Variants in HCRTR2 observed in about 807,000 individuals in gnomAD.
The protein encoded by HCRTR2 is hypocretin receptor 2.
HCRTR2 carries 22 observed loss-of-function variants against 49.0 expected under a neutral mutation model. The observed-to-expected ratio is 0.45, with a 90% CI of 0.32 to 0.64. HCRTR2 has a LOEUF of 0.64. Ranked by LOEUF, HCRTR2 falls within the 30% of genes least tolerant of loss-of-function variation. HCRTR2 has a pLI of 0.04. For missense variants in HCRTR2, 491 were observed against 559.4 expected (o/e 0.88, Z 1.23); for synonymous variants, 236 against 205.3 (o/e 1.15, Z -1.28).
rs190948915 is a variant in HCRTR2, at chr6:55,200,431, A to C, written c.223+25621A>C. 3.3e-5 allele frequency among the ~76,000 whole-genome samples: 5 copies of C among 151,900 alleles called. No individual in the cohort carries two copies. In the East Asian group the frequency reaches 9.7e-4, roughly 30 times the overall value. Reference sequence around the variant, plus strand: ...AGGCGCACACCACCACACCCAGCTAATTTTTTGTATTTTTAGTAGAGATGG... The same window carrying C: ...AGGCGCACACCACCACACCCAGCTACTTTTTTGTATTTTTAGTAGAGATGG... On this transcript the variant is annotated intron_variant, in intron 1 of 6. Coordinates refer to ENST00000370862, the MANE Select transcript of HCRTR2 (RefSeq NM_001384272.1).
intron 1 of HCRTR2, among the ~76,000 whole-genome samples, chr6:55,189,081 G>C (rs963546229): frequency 6.6e-6 from 1 of 152,078 alleles, no homozygotes; most frequent in Middle Eastern, 3.2e-3. Flanking sequence ...GAGTAATAAG[G>C]TCTTAATCTC....
chr6:55,196,406 T>TC (rs1038148418), intron 1 of HCRTR2, among the ~76,000 whole-genome samples: 2 of 152,158 alleles, frequency 1.3e-5, no homozygotes, highest in African/African-American at 4.8e-5. Context: ...AATGAACTTT[T>TC]CCCCACCTAA....
intron 1 of HCRTR2, among the ~76,000 whole-genome samples, chr6:55,156,769 T>G (rs1764737211): frequency 6.6e-6 from 1 of 151,966 alleles, no homozygotes; most frequent in African/African-American, 2.4e-5. Context: ...ACCAGTGCAA[T>G]AAATAATAGT....
chr6:55,178,271 T>A lies in HCRTR2; in HGVS notation c.223+3461T>A, dbSNP rs555315314. Among the ~76,000 whole-genome samples the A allele has an allele frequency of 1.3e-4, 20 of 152,218 alleles. No individual in the cohort carries two copies. The South Asian group carries it at 3.7e-3, about 28-fold the overall frequency. ...TGCTTCTCATATCTGCATTCAAAGA[T>A]ATCATATGTTTCATCTGGTATGCTT... is the stretch of plus-strand genomic sequence containing the variant. On this transcript the variant is annotated intron_variant, in intron 1 of 6. Coordinates refer to ENST00000370862, the MANE Select transcript of HCRTR2 (RefSeq NM_001384272.1).
chr6:55,107,943 G>A (rs1304172328), intron 1 of HCRTR2, among the ~76,000 whole-genome samples: 3 of 151,946 alleles, frequency 2.0e-5, no homozygotes, highest in Non-Finnish European at 4.4e-5. Flanking sequence ...ATGATTTGCT[G>A]TGCTTAAAAT....
intron 3 of HCRTR2, among the ~76,000 whole-genome samples, chr6:55,259,071 C>A (rs1432140001): frequency 6.6e-6 from 1 of 152,074 alleles, no homozygotes; most frequent in Non-Finnish European, 1.5e-5. Flanking sequence ...GAAAATAACT[C>A]TTTTTGTACA....
chr6:55,148,025 TA>T (rs1764617792), intron 1 of HCRTR2, among the ~76,000 whole-genome samples: 2 of 143,314 alleles, frequency 1.4e-5, no homozygotes. Context: ...GAATGGACTT[TA>T]GTTAGAGTTT....
In HCRTR2 at chr6:55,280,456, A is replaced by G. The variant is rs188098116; in HGVS notation, c.1105+12A>G. On this transcript the variant is annotated intron_variant, in intron 6 of 6. Transcript: ENST00000370862. ...TAATTTTCTCAGTGGTGAGTTTTCAACTGTTCTTCCATAAGCCACAATTGT... is the reference window on the plus strand; with the variant it reads ...TAATTTTCTCAGTGGTGAGTTTTCAGCTGTTCTTCCATAAGCCACAATTGT... The G allele has an allele frequency of 2.5e-6, 4 of 1,611,566 alleles. No individual in the cohort carries two copies. The highest frequency in any genetic ancestry group is 2.2e-5 in the East Asian group (1 of 44,836).
intron 1 of HCRTR2, among the ~76,000 whole-genome samples, chr6:55,205,254 G>C (rs1188974961): frequency 1.3e-5 from 2 of 152,126 alleles, no homozygotes; most frequent in Non-Finnish European, 2.9e-5. Context: ...AGATCACTAG[G>C]TAGGTAAATA....
At chr6:55,110,985 T>C (rs1764041323) in intron 1 of HCRTR2, among the ~76,000 whole-genome samples, 1 of 152,026 alleles carries the variant, frequency 6.6e-6, no homozygotes, top group Admixed American at 6.6e-5. Flanking sequence ...ACTAAACAAG[T>C]TTCAACAAAT....
intron 1 of HCRTR2, among the ~76,000 whole-genome samples, chr6:55,107,609 TA>T (rs1427699447): frequency 5.3e-5 from 8 of 152,184 alleles, no homozygotes; most frequent in East Asian, 1.9e-4. Context: ...GTCTAATCTT[TA>T]AAAAAATGTA....
chr6:55,144,274 G>A (rs2127254543), intron 1 of HCRTR2, among the ~76,000 whole-genome samples: 1 of 151,928 alleles, frequency 6.6e-6, no homozygotes, highest in South Asian at 2.1e-4. Flanking sequence ...CACCACGTCT[G>A]GCTAATTTTG....
At chr6:55,272,688 C>CTAT (rs1429964043) in intron 4 of HCRTR2, among the ~76,000 whole-genome samples, 1 of 151,312 alleles carries the variant, frequency 6.6e-6, no homozygotes, top group Non-Finnish European at 1.5e-5. Flanking sequence ...TAATGAGAGA[C>CTAT]TATAATAGGA....
At chr6:55,261,875 C>T (rs998702192) in intron 3 of HCRTR2, among the ~76,000 whole-genome samples, 1 of 151,990 alleles carries the variant, frequency 6.6e-6, no homozygotes, top group African/African-American at 2.4e-5. Context: ...ATAGAACCAG[C>T]CCAAATGCCC....
At chr6:55,265,033 G>A (rs2127323958) in intron 4 of HCRTR2, among the ~76,000 whole-genome samples, 1 of 151,826 alleles carries the variant, frequency 6.6e-6, no homozygotes, top group African/African-American at 2.4e-5. Context: ...ACACTATATG[G>A]CTCATAATTT....
intron 1 of HCRTR2, among the ~76,000 whole-genome samples, chr6:55,164,089 A>C (rs1764843484): frequency 6.6e-6 from 1 of 152,224 alleles, no homozygotes; most frequent in Admixed American, 6.5e-5. Flanking sequence ...ATCTCACTCC[A>C]GTTAGAATGG....
chr6:55,258,635 A>G (rs1305060058), intron 3 of HCRTR2, among the ~76,000 whole-genome samples: 1 of 152,182 alleles, frequency 6.6e-6, no homozygotes, highest in Non-Finnish European at 1.5e-5. Context: ...TAAAATATAC[A>G]TTTGTATGTG....
chr6:55,248,500 C>A, intron 1 of HCRTR2, 139 bp from the exon 2 acceptor site: 1 of 715,298 alleles, frequency 1.4e-6, no homozygotes, highest in South Asian at 1.6e-5. Flanking sequence ...TTGACAGATT[C>A]AGTGAAAACA....
intron 6 of HCRTR2, 52 bp downstream of exon 6, chr6:55,280,496 A>C: frequency 6.2e-7 from 1 of 1,606,646 alleles, no homozygotes; most frequent in South Asian, 1.1e-5. Flanking sequence ...AAGGATGAGG[A>C]ATCAATGAAC....
Sources: allele counts gnomAD v4.1 joint callset (sites outside exome capture counted in the v4.1 genomes callset), GRCh38; gene constraint gnomAD v4.1.1; transcripts MANE v1.5; gene names NCBI Gene and HGNC (gene_info 2026-07-23, HGNC 2026-07-21).